The following LRRC63 variants were observed in gnomAD, a reference collection of about 807,000 sequenced individuals.
The protein encoded by LRRC63 is leucine rich repeat containing 63.
Under a neutral mutation model 49.5 loss-of-function variants are expected in LRRC63, and 40 were observed. The ratio of observed to expected loss-of-function variants is 0.81; its 90% confidence interval spans 0.63 to 1.05. LRRC63 has a LOEUF of 1.05. LRRC63 is among the 50% of genes least tolerant of loss of function. The pLI is 0.00. For synonymous variants in LRRC63, 191 were observed against 221.1 expected (o/e 0.86, Z 1.21); for missense variants, 636 against 663.1 (o/e 0.96, Z 0.45).
chr13:46,255,608 C>T (rs1233017548), intron 7 of LRRC63, among the ~76,000 whole-genome samples: 2 of 143,266 alleles, frequency 1.4e-5, no homozygotes, highest in African/African-American at 5.4e-5. Flanking sequence ...GTTGAGGCTG[C>T]AGTGAGCTTT....
chr13:46,239,648 A>T (rs1185732799), intron 5 of LRRC63, among the ~76,000 whole-genome samples: 1 of 152,228 alleles, frequency 6.6e-6, no homozygotes, highest in African/African-American at 2.4e-5. Flanking sequence ...TGATGGCAGC[A>T]TCATCCTGAT....
chr13:46,228,138 T>C (rs1352117711), exon 3 of LRRC63: 1 of 1,550,368 alleles, frequency 6.5e-7, no homozygotes, highest in Non-Finnish European at 8.7e-7. Context: ...AGGTTTTGTT[T>C]CCTTGCCAAC....
chr13:46,223,730 C>T (rs2046484219), intron 2 of LRRC63, among the ~76,000 whole-genome samples: 1 of 152,014 alleles, frequency 6.6e-6, no homozygotes, highest in South Asian at 2.1e-4. Flanking sequence ...GTGGTGTGGG[C>T]CTGTAATCCC....
intron 5 of LRRC63, among the ~76,000 whole-genome samples, chr13:46,239,860 T>C (rs970207608): frequency 3.3e-5 from 5 of 152,202 alleles, no homozygotes; most frequent in Non-Finnish European, 7.3e-5. Context: ...TGCAAATCAA[T>C]AAATGTGATT....
At chr13:46,275,029 A>G (rs574027046) in intron 9 of LRRC63, among the ~76,000 whole-genome samples, 3 of 151,174 alleles carry the variant, frequency 2.0e-5, no homozygotes, top group African/African-American at 4.9e-5. Flanking sequence ...CCACAATTCT[A>G]CTCTCTACTT....
chr13:46,265,983 T>C (rs1158259506), intron 8 of LRRC63, among the ~76,000 whole-genome samples: 1 of 152,190 alleles, frequency 6.6e-6, no homozygotes, highest in Non-Finnish European at 1.5e-5. Context: ...GTTATGAAAC[T>C]AGACTGTAAA....
chr13:46,258,807 CAA>C (rs11451920), intron 7 of LRRC63, among the ~76,000 whole-genome samples: 18 of 89,974 alleles, frequency 2.0e-4, no homozygotes, highest in Admixed American at 3.5e-4. Context: ...GACTCTGTCT[CAA>C]AAAAAAAAAA....
Position 46,255,533 on chromosome 13 carries a change from T to C in LRRC63, c.1226+5042T>C, listed in dbSNP as rs529064534. On this transcript the variant is annotated intron_variant, in intron 7 of 9. Transcript: ENST00000595396. The stretch of plus-strand genomic sequence containing the variant: ...AATACGAAAAATTAGCTGTGCACAG[T>C]GGTATGTACTTGTAGTCCCAGTTAC... Among the ~76,000 whole-genome samples the C allele has an allele frequency of 2.0e-5, 3 of 151,308 alleles. No homozygotes were observed. In the South Asian group the frequency reaches 6.3e-4, roughly 32 times the overall value.
Position 46,228,113 on chromosome 13 carries a change from AG to A in LRRC63, c.688del (p.Val230LeufsTer24). The A allele has an allele frequency of 6.4e-7, 1 of 1,550,468 alleles. No individual in the cohort carries two copies. The highest frequency in any genetic ancestry group is 8.7e-7 in the Non-Finnish European group (1 of 1,146,948). ...AATCAACTGCTACATTGACACTAAG[AG>A]TTACTGAATTTCCAGGTTTTGTTTC... On this transcript the variant is annotated frameshift_variant, in exon 3 of 10. Coordinates refer to ENST00000595396, the Ensembl canonical transcript of LRRC63. LOFTEE classifies it high-confidence loss of function.
chr13:46,215,800 G>A (rs570067102), intron 2 of LRRC63, among the ~76,000 whole-genome samples: 2 of 152,148 alleles, frequency 1.3e-5, no homozygotes, highest in Non-Finnish European at 2.9e-5. Flanking sequence ...TGTATAAGGT[G>A]TAAGGAAGGG....
At chr13:46,250,780 C>T (rs1025071186) in intron 7 of LRRC63, among the ~76,000 whole-genome samples, 2 of 152,042 alleles carry the variant, frequency 1.3e-5, no homozygotes, top group Admixed American at 1.3e-4. Flanking sequence ...TTGCACCTAT[C>T]TCTTGACAGC....
intron 9 of LRRC63, among the ~76,000 whole-genome samples, chr13:46,269,854 T>C (rs1162050927): frequency 2.7e-5 from 4 of 148,026 alleles, no homozygotes; most frequent in Non-Finnish European, 4.5e-5. Flanking sequence ...ATATATCTAC[T>C]ATATAGATGT....
At chr13:46,217,306 A>C (rs771249182) in intron 2 of LRRC63, among the ~76,000 whole-genome samples, 1 of 152,204 alleles carries the variant, frequency 6.6e-6, no homozygotes, top group Non-Finnish European at 1.5e-5. Flanking sequence ...TGGTCTGTTC[A>C]GGGACTCGAC....
At chr13:46,229,869 T>C (rs76768802) in intron 4 of LRRC63, among the ~76,000 whole-genome samples, 9,813 of 152,226 alleles carry the variant, frequency 0.064, 715 homozygotes, top group African/African-American at 0.18. Context: ...GTGCTGGTAT[T>C]TGCTGCTGGT....
chr13:46,267,034 T>C lies in LRRC63; in HGVS notation c.1550+62T>C, dbSNP rs2047693203. ...CCTTTAAGCATTAAAATGTTCTTCA[T>C]TACAGGCTTAGATGACAGTGTCACT... On this transcript the variant is annotated intron_variant, in intron 9 of 9. Transcript: ENST00000595396. 5 of 1,424,802 alleles carry C rather than the reference T, an allele frequency of 3.5e-6. No homozygotes were observed. In the South Asian group the frequency reaches 7.5e-5, roughly 21 times the overall value. 88.3% of individuals were successfully genotyped at this position (1,424,802 alleles called of 1,614,324 possible).
At chr13:46,231,141 C>T (rs1172274820) in intron 4 of LRRC63, among the ~76,000 whole-genome samples, 1 of 152,176 alleles carries the variant, frequency 6.6e-6, no homozygotes, top group African/African-American at 2.4e-5. Flanking sequence ...CAAACTTTCC[C>T]TCATCATCCT....
intron 5 of LRRC63, among the ~76,000 whole-genome samples, chr13:46,236,301 C>T (rs908008110): frequency 1.3e-5 from 2 of 151,960 alleles, no homozygotes; most frequent in Non-Finnish European, 2.9e-5. Context: ...ATTAAAAGCA[C>T]AAATCTATAC....
At chr13:46,273,939 A>G (rs1182319355) in intron 9 of LRRC63, among the ~76,000 whole-genome samples, 2 of 151,254 alleles carry the variant, frequency 1.3e-5, no homozygotes, top group African/African-American at 4.9e-5. Flanking sequence ...AGTACCAAGA[A>G]GTGAGCTAAA....
intron 5 of LRRC63, among the ~76,000 whole-genome samples, chr13:46,242,407 ACC>A: frequency 6.6e-6 from 1 of 152,200 alleles, no homozygotes; most frequent in South Asian, 2.1e-4. Flanking sequence ...TGTACAAGAA[ACC>A]CCCATGGCAT....
Sources: gnomAD v4.1 joint callset for allele counts (sites outside exome capture counted in the v4.1 genomes callset) on GRCh38, gnomAD v4.1.1 for gene constraint, MANE v1.5 for transcripts, NCBI Gene and HGNC (gene_info 2026-07-23, HGNC 2026-07-21) for gene names.